OXCT1: variants seen among roughly 807,000 people sequenced by gnomAD.
The protein encoded by OXCT1 is succinyl-CoA:3-ketoacid coenzyme A transferase 1, mitochondrial.
In OXCT1, 27 loss-of-function variants were observed where a neutral mutation model predicts 69.6. The observed-to-expected ratio is 0.39, with a 90% CI of 0.29 to 0.54. The LOEUF is 0.54. Ranked by LOEUF, OXCT1 falls within the 20% of genes least tolerant of loss-of-function variation. The probability of loss-of-function intolerance (pLI) is 0.72; values close to 1 mark genes in which losing one functional copy is unlikely to be tolerated. For synonymous variants in OXCT1, 202 were observed against 217.8 expected, an observed-to-expected ratio of 0.93 and a Z score of 0.64; for missense variants, 437 against 650.2, an observed-to-expected ratio of 0.67 and a Z score of 3.57.
chr5:41,775,752 C>A (rs1345928828), intron 13 of OXCT1, among the ~76,000 whole-genome samples: 2 of 152,026 alleles, frequency 1.3e-5, no homozygotes, highest in Non-Finnish European at 2.9e-5. Flanking sequence ...GTCACATTAG[C>A]GTAAATTCAG....
intron 7 of OXCT1, among the ~76,000 whole-genome samples, chr5:41,835,497 G>C (rs1457932505): frequency 6.6e-6 from 1 of 151,958 alleles, no homozygotes; most frequent in Non-Finnish European, 1.5e-5. Flanking sequence ...ATATTAGATG[G>C]GTTCACCGAT....
chr5:41,738,754 G>C (rs550445199), intron 16 of OXCT1, among the ~76,000 whole-genome samples: 2 of 152,158 alleles, frequency 1.3e-5, no homozygotes, highest in African/African-American at 4.8e-5. Flanking sequence ...ATATTAAAGA[G>C]CAATTATTTA....
chr5:41,761,045 G>C (rs1281098253), intron 14 of OXCT1, among the ~76,000 whole-genome samples: 1 of 152,130 alleles, frequency 6.6e-6, no homozygotes, highest in Non-Finnish European at 1.5e-5. Context: ...AAAGTGAGAA[G>C]AGGTAGATTT....
chr5:41,752,169 C>G (rs1232262145), intron 14 of OXCT1, among the ~76,000 whole-genome samples: 1 of 152,090 alleles, frequency 6.6e-6, no homozygotes, highest in Non-Finnish European at 1.5e-5. Context: ...GAGCACTCTA[C>G]TAGGAGTCCA....
At chr5:41,844,738 T>C (rs1209879695) in intron 5 of OXCT1, among the ~76,000 whole-genome samples, 4 of 152,010 alleles carry the variant, frequency 2.6e-5, no homozygotes, top group African/African-American at 9.7e-5. Context: ...TCATTCATCT[T>C]ACACAGTATG....
At chr5:41,766,622 T>C (rs1391517535) in intron 13 of OXCT1, among the ~76,000 whole-genome samples, 1 of 150,234 alleles carries the variant, frequency 6.7e-6, no homozygotes. Flanking sequence ...AAACATGATC[T>C]TTGGTGATAT....
intron 1 of OXCT1, among the ~76,000 whole-genome samples, chr5:41,868,565 T>C (rs571089712): frequency 5.9e-5 from 9 of 151,806 alleles, no homozygotes; most frequent in Non-Finnish European, 1.0e-4. Flanking sequence ...CTACTAAAAA[T>C]ACAAAAAATT....
chr5:41,836,644 C>T (rs567935200), intron 7 of OXCT1, among the ~76,000 whole-genome samples: 4 of 152,112 alleles, frequency 2.6e-5, no homozygotes, highest in Non-Finnish European at 5.9e-5. Flanking sequence ...GTTAGATTCT[C>T]ATAAGGAGCG....
At chr5:41,837,417 G>C (rs902714601) in intron 7 of OXCT1, among the ~76,000 whole-genome samples, 1 of 151,976 alleles carries the variant, frequency 6.6e-6, no homozygotes, top group South Asian at 2.1e-4. Context: ...ACCACATTTA[G>C]AGAAATATGT....
At chr5:41,831,017 T>C (rs1347705616) in intron 7 of OXCT1, among the ~76,000 whole-genome samples, 1 of 152,210 alleles carries the variant, frequency 6.6e-6, no homozygotes, top group Non-Finnish European at 1.5e-5. Flanking sequence ...CCTTCTATTG[T>C]AAAGTAAAAC....
chr5:41,853,870 G>A (rs1355320126), intron 3 of OXCT1, among the ~76,000 whole-genome samples: 3 of 152,080 alleles, frequency 2.0e-5, no homozygotes, highest in East Asian at 1.9e-4. Flanking sequence ...GTTTTACCCC[G>A]CACCTTTTGT....
intron 6 of OXCT1, among the ~76,000 whole-genome samples, chr5:41,841,019 C>T (rs906891626): frequency 4.6e-5 from 7 of 152,118 alleles, no homozygotes; most frequent in African/African-American, 1.7e-4. Flanking sequence ...ATTTGTGAGT[C>T]AACTATAAAG....
At chr5:41,789,948 CCAAT>C (rs755015563) in intron 13 of OXCT1, among the ~76,000 whole-genome samples, 3 of 152,064 alleles carry the variant, frequency 2.0e-5, no homozygotes, top group Non-Finnish European at 4.4e-5. Context: ...TCTAGAGAAC[CCAAT>C]CAATTTTATG....
chr5:41,862,948 A>G (rs1749810667), intron 1 of OXCT1, among the ~76,000 whole-genome samples, 198 bp from the exon 2 acceptor site: 1 of 152,152 alleles, frequency 6.6e-6, no homozygotes, highest in South Asian at 2.1e-4. Context: ...TATGGCATAC[A>G]TGGTGTTTTT....
chr5:41,752,152 G>C (rs1041901963), intron 14 of OXCT1, among the ~76,000 whole-genome samples: 1 of 152,084 alleles, frequency 6.6e-6, no homozygotes, highest in Non-Finnish European at 1.5e-5. Context: ...TATGGTGTGG[G>C]AGCAAAGAGC....
intron 15 of OXCT1, among the ~76,000 whole-genome samples, chr5:41,747,465 G>T (rs950659179): frequency 1.3e-5 from 2 of 152,106 alleles, no homozygotes; most frequent in African/African-American, 4.8e-5. Context: ...GATAAACAAT[G>T]GTGAGCCAGA....
Position 41,731,720 on chromosome 5 carries a change from A to T in OXCT1, c.*9T>A, listed in dbSNP as rs773073930. On this transcript the variant is annotated 3_prime_UTR_variant, in exon 17 of 17. Transcript: ENST00000196371. Reference sequence around the variant, plus strand: ...GAAAAACACGCAGCCTGGTACAAATATCCATATTTCAATTTGCGATCTGCT... The same window carrying T: ...GAAAAACACGCAGCCTGGTACAAATTTCCATATTTCAATTTGCGATCTGCT... 1.2e-6 allele frequency: 2 copies of T among 1,605,750 alleles called. No individual in the cohort carries two copies. Among genetic ancestry groups the T allele is most frequent in the Non-Finnish European group, 1.7e-6 (2 of 1,175,706 alleles).
intron 7 of OXCT1, among the ~76,000 whole-genome samples, chr5:41,809,215 A>G (rs1234444577): frequency 6.6e-6 from 1 of 152,066 alleles, no homozygotes; most frequent in Admixed American, 6.6e-5. Flanking sequence ...AAATGCTAAG[A>G]ATTGTTATCT....
At chr5:41,843,835 A>G (rs1748764606) in intron 5 of OXCT1, among the ~76,000 whole-genome samples, 1 of 152,218 alleles carries the variant, frequency 6.6e-6, no homozygotes, top group Non-Finnish European at 1.5e-5. Flanking sequence ...GACATTAACC[A>G]AGTTGCCTGC....
Sources: allele counts gnomAD v4.1 joint callset (sites outside exome capture counted in the v4.1 genomes callset), GRCh38; gene constraint gnomAD v4.1.1; transcripts MANE v1.5; gene names NCBI Gene and HGNC (gene_info 2026-07-23, HGNC 2026-07-21).